CCNY: variants seen among roughly 807,000 people sequenced by gnomAD.
CCNY encodes the protein cyclin-Y.
In CCNY, 19 loss-of-function variants were observed where a neutral mutation model predicts 42.8. The ratio of observed to expected loss-of-function variants is 0.44; its 90% CI spans 0.31 to 0.65. CCNY has a LOEUF of 0.65. Among genes scored for constraint, CCNY ranks in the 30% least tolerant of loss-of-function variants. CCNY has a pLI of 0.07. For missense variants in CCNY, 370 were observed against 437.3 expected, an observed-to-expected ratio of 0.85 and a Z score of 1.37; for synonymous variants, 165 against 162.7, an observed-to-expected ratio of 1.01 and a Z score of -0.11.
At position 35,485,593 on chromosome 10, in the gene CCNY, C is replaced by T. The variant is rs534114831; in HGVS notation, c.229+2115C>T. Among the ~76,000 whole-genome samples, 8 of 152,082 alleles carry T rather than the reference C, an allele frequency of 5.3e-5. No homozygotes were observed. In the East Asian group the frequency reaches 1.6e-3, roughly 29 times the overall value. ...ACAAAAAATTAGCTGGGTGTGGTGGCGGGCACCTGTATTCCCAGCCACTCA... is the reference window on the plus strand; with the variant it reads ...ACAAAAAATTAGCTGGGTGTGGTGGTGGGCACCTGTATTCCCAGCCACTCA... On this transcript the variant is annotated intron_variant, in intron 2 of 9. Coordinates refer to ENST00000374704, the MANE Select transcript of CCNY (RefSeq NM_145012.6).
intron 1 of CCNY, among the ~76,000 whole-genome samples, chr10:35,449,223 A>G (rs926249146): frequency 2.1e-5 from 3 of 140,172 alleles, no homozygotes; most frequent in Admixed American, 1.5e-4. Context: ...CGAGGAGGGA[A>G]GGGACAAGGA....
chr10:35,475,198 A>G (rs1316890678), intron 1 of CCNY, among the ~76,000 whole-genome samples: 1 of 151,914 alleles, frequency 6.6e-6, no homozygotes, highest in Non-Finnish European at 1.5e-5. Flanking sequence ...AATGGAACCA[A>G]GTTGGAAAAC....
At chr10:35,397,164 T>A (rs559343977) in intron 1 of CCNY, among the ~76,000 whole-genome samples, 2 of 152,348 alleles carry the variant, frequency 1.3e-5, no homozygotes, top group Non-Finnish European at 2.9e-5. Context: ...AACTTGGAGC[T>A]AGTAGGAAAC....
At chr10:35,531,648 A>T (rs776919294) in intron 7 of CCNY, among the ~76,000 whole-genome samples, 10 of 152,350 alleles carry the variant, frequency 6.6e-5, no homozygotes, top group Middle Eastern at 6.8e-3. Context: ...AGAAAAGCAG[A>T]TGAAACCATA....
intron 3 of CCNY, among the ~76,000 whole-genome samples, chr10:35,294,014 T>C (rs552261482): frequency 4.1e-4 from 62 of 152,318 alleles, no homozygotes; most frequent in African/African-American, 1.3e-3. Context: ...GGTCTCGAAC[T>C]CCTGACCTCA....
intron 4 of CCNY, among the ~76,000 whole-genome samples, chr10:35,525,683 A>T (rs1840637732): frequency 6.6e-6 from 1 of 152,132 alleles, no homozygotes; most frequent in Non-Finnish European, 1.5e-5. Context: ...AAGTGAGGAA[A>T]GCTGAAAATT....
At chr10:35,549,818 G>A (rs1156735263) in intron 7 of CCNY, among the ~76,000 whole-genome samples, 4 of 43,078 alleles carry the variant, frequency 9.3e-5, no homozygotes, top group East Asian at 8.0e-4. Context: ...CGCTGCTCAT[G>A]GCCCATGACC....
intron 1 of CCNY, among the ~76,000 whole-genome samples, chr10:35,415,901 A>T (rs1474856874): frequency 6.6e-6 from 1 of 152,248 alleles, no homozygotes; most frequent in Non-Finnish European, 1.5e-5. Flanking sequence ...AGATCGACAG[A>T]GAGTTTTATA....
At position 35,442,846 on chromosome 10, in the gene CCNY, C is replaced by T. The variant is rs558193058; in HGVS notation, c.155-40558C>T. Among the ~76,000 whole-genome samples the T allele has an allele frequency of 1.2e-4, 19 of 152,194 alleles. No individual in the cohort carries two copies. In the East Asian group the frequency reaches 2.1e-3, roughly 17 times the overall value. Reference sequence around the variant, plus strand: ...TGAGAAATGTCTCATTAAGTGATTTCGTCATTGTGTGAACATGAGAGAGTG... The same window carrying T: ...TGAGAAATGTCTCATTAAGTGATTTTGTCATTGTGTGAACATGAGAGAGTG... On this transcript the variant is annotated intron_variant, in intron 1 of 9. Transcript: ENST00000374704.
intron 3 of CCNY, among the ~76,000 whole-genome samples, chr10:35,503,243 A>C (rs753156074): frequency 2.6e-5 from 4 of 152,216 alleles, no homozygotes; most frequent in Non-Finnish European, 5.9e-5. Context: ...TCTAACGCCC[A>C]GCCCAGCATT....
rs532925218 is a variant in CCNY at position 35,569,469 on chromosome 10, G to C, written c.*299G>C. On this transcript the variant is annotated 3_prime_UTR_variant, in exon 10 of 10. Coordinates refer to ENST00000374704, the MANE Select transcript of CCNY (RefSeq NM_145012.6). ...GAAGTCGTGGAGAGGCAGGGAAAAT[G>C]GTTAAGCAGCCCGGCCCTCTGGAGT... 9 of 418,684 alleles carry C rather than the reference G, an allele frequency of 2.1e-5. No individual in the cohort carries two copies. Among genetic ancestry groups the C allele is most frequent in the Non-Finnish European group, 4.0e-5 (9 of 224,858 alleles). 25.9% of individuals were successfully genotyped at this position (418,684 alleles called of 1,614,324 possible). A position where few individuals can be genotyped will look rare whatever the true frequency, so the allele number is the denominator to read the frequency against.
rs534013893 is a variant in CCNY at position 35,352,585 on chromosome 10, T to C, written c.154+15378T>C. On this transcript the variant is annotated intron_variant, in intron 1 of 9. Coordinates refer to ENST00000374704, the MANE Select transcript of CCNY (RefSeq NM_145012.6). ...TCTTCAGTAGGTCAACAACCATTGG[T>C]CAGTCCAAGTTCTGCCGTCCAGCCT... Among the ~76,000 whole-genome samples, 8 of 152,354 alleles carry C rather than the reference T, an allele frequency of 5.3e-5. No homozygotes were observed. The South Asian group carries it at 1.7e-3, about 32-fold the overall frequency.
rs905147003 is a variant in CCNY at position 35,401,745 on chromosome 10, C to T, written c.154+64538C>T. On this transcript the variant is annotated intron_variant, in intron 1 of 9. Transcript: ENST00000374704. The stretch of plus-strand genomic sequence containing the variant: ...TAGTTCTTATAGGTTTTGGGATAGA[C>T]GATGGAGTTAAGAGCAATGTTTTGG... 7.2e-5 allele frequency among the ~76,000 whole-genome samples: 11 copies of T among 151,838 alleles called. No individual in the cohort carries two copies. In the East Asian group the frequency reaches 1.5e-3, roughly 21 times the overall value.
chr10:35,427,825 C>A (rs1366637171), intron 1 of CCNY, among the ~76,000 whole-genome samples: 1 of 152,104 alleles, frequency 6.6e-6, no homozygotes, highest in East Asian at 1.9e-4. Context: ...AGCAGCAAAA[C>A]AAGTGCTGAC....
chr10:35,366,680 G>A (rs527637424), intron 1 of CCNY, among the ~76,000 whole-genome samples: 2 of 152,236 alleles, frequency 1.3e-5, no homozygotes, highest in Non-Finnish European at 2.9e-5. Context: ...TACCCTCTTG[G>A]AACTCACTCT....
chr10:35,494,245 C>CG (rs5784454), intron 2 of CCNY, among the ~76,000 whole-genome samples: 1 of 146,226 alleles, frequency 6.8e-6, no homozygotes, highest in Non-Finnish European at 1.5e-5. Context: ...CCCCCCCCCC[C>CG]ATTTCTACAA....
chr10:35,433,583 C>T (rs781063585), intron 1 of CCNY, among the ~76,000 whole-genome samples: 1 of 152,132 alleles, frequency 6.6e-6, no homozygotes, highest in African/African-American at 2.4e-5. Context: ...GTGTATGATA[C>T]ATGTATTAGT....
At chr10:35,285,350 A>G (rs1329491858) in intron 3 of CCNY, among the ~76,000 whole-genome samples, 1 of 152,020 alleles carries the variant, frequency 6.6e-6, no homozygotes, top group Non-Finnish European at 1.5e-5. Flanking sequence ...AAAGCTGCCT[A>G]TATCATTGTG....
chr10:35,357,274 T>A (rs921891829), intron 1 of CCNY, among the ~76,000 whole-genome samples: 4 of 146,428 alleles, frequency 2.7e-5, no homozygotes, highest in African/African-American at 1.0e-4. Flanking sequence ...TGAAATTATC[T>A]TATTTGCCTG....
Sources: gnomAD v4.1 joint callset for allele counts (sites outside exome capture counted in the v4.1 genomes callset) on GRCh38, gnomAD v4.1.1 for gene constraint, MANE v1.5 for transcripts, NCBI Gene and HGNC (gene_info 2026-07-23, HGNC 2026-07-21) for gene names.